ONECUT3: variants seen among roughly 807,000 people sequenced by gnomAD.
ONECUT3 encodes one cut domain family member 3.
A neutral mutation model predicts 16.8 loss-of-function variants in ONECUT3; 11 were observed. The ratio of observed to expected loss-of-function variants is 0.66; its 90% CI spans 0.41 to 1.09. The LOEUF is 1.09. ONECUT3 is among the 50% of genes least tolerant of loss of function. The pLI is 0.00. For missense variants in ONECUT3, 637 were observed against 629.9 expected (o/e 1.01, Z -0.12); for synonymous variants, 344 against 310.7 (o/e 1.11, Z -1.13).
rs2068115423 is a variant in ONECUT3 at position 1,777,031 on chromosome 19, AG to A, written c.*1587del. 1 of 150,302 alleles carries A rather than the reference AG, an allele frequency of 6.7e-6. No homozygotes were observed. Among genetic ancestry groups the A allele is most frequent in the Non-Finnish European group, 1.5e-5 (1 of 67,672 alleles). 9.3% of individuals were successfully genotyped at this position (150,302 alleles called of 1,614,324 possible). A position where few individuals can be genotyped will look rare whatever the true frequency, so the allele number is the denominator to read the frequency against. On this transcript the variant is annotated 3_prime_UTR_variant, in exon 2 of 2. Transcript: ENST00000382349. ...CCGAACCTGAGAGCGAAAGAGAGAGAGAGAGAGAGGGAGAGAGAGGGAGAGA... is the reference window on the plus strand; with the variant it reads ...CCGAACCTGAGAGCGAAAGAGAGAGAAGAGAGAGGGAGAGAGAGGGAGAGA...
chr19:1,755,340 G>A lies in ONECUT3; in HGVS notation c.1192+486G>A, dbSNP rs994072129. Among the ~76,000 whole-genome samples, 1 of 152,122 alleles carries A rather than the reference G, an allele frequency of 6.6e-6. No homozygotes were observed. Among genetic ancestry groups the A allele is most frequent in the African/African-American group, 2.4e-5 (1 of 41,426 alleles). ...GCCCCGGGCCACAGAGCTCCGAGAC[G>A]TTGCGGCGGGCGCCTGCAGCTCAGC... is the stretch of plus-strand genomic sequence containing the variant. On this transcript the variant is annotated intron_variant, in intron 1 of 1. Coordinates refer to ENST00000382349, the MANE Select transcript of ONECUT3 (RefSeq NM_001080488.2). This position sits in a 1 kb window ranked among gnomAD's most constrained non-coding sequence, Gnocchi z 7.5.
intron 1 of ONECUT3, among the ~76,000 whole-genome samples, chr19:1,756,361 C>T (rs567541164): frequency 6.6e-6 from 1 of 152,300 alleles, no homozygotes; most frequent in Admixed American, 6.5e-5. Context: ...TAACCTTGTG[C>T]TCAGGGAGGT....
chr19:1,755,244 G>A lies in ONECUT3; in HGVS notation c.1192+390G>A, dbSNP rs2067910630. Among the ~76,000 whole-genome samples the A allele has an allele frequency of 6.6e-6, 1 of 151,798 alleles. No individual in the cohort carries two copies. The highest frequency in any genetic ancestry group is 2.4e-5 in the African/African-American group (1 of 41,300). On this transcript the variant is annotated intron_variant, in intron 1 of 1. Coordinates refer to ENST00000382349, the MANE Select transcript of ONECUT3 (RefSeq NM_001080488.2). This position sits in a 1 kb window ranked among gnomAD's most constrained non-coding sequence, Gnocchi z 7.5. The stretch of plus-strand genomic sequence containing the variant: ...GTTGGGGGGAGCTGTGTCCCCGAAC[G>A]AGCTGCTGTTGTCGGCTAAGGTGCC...
At chr19:1,757,132 TGG>T (rs11381332) in intron 1 of ONECUT3, among the ~76,000 whole-genome samples, 2 of 97,682 alleles carry the variant, frequency 2.0e-5, no homozygotes, top group African/African-American at 8.1e-5. Context: ...AGAAGTCCCA[TGG>T]GGGGGGGGTG....
intron 1 of ONECUT3, among the ~76,000 whole-genome samples, chr19:1,772,333 T>G (rs1397888417): frequency 6.6e-6 from 1 of 151,854 alleles, no homozygotes; most frequent in Non-Finnish European, 1.5e-5. Context: ...TATTTAAAAA[T>G]TATTTATTTT....
At chr19:1,760,422 C>CG (rs1017722807) in intron 1 of ONECUT3, among the ~76,000 whole-genome samples, 8 of 84,316 alleles carry the variant, frequency 9.5e-5, no homozygotes, top group African/African-American at 3.2e-4. Flanking sequence ...AAGGGACCGG[C>CG]GGGGGGGCGG....
intron 1 of ONECUT3, among the ~76,000 whole-genome samples, chr19:1,773,407 G>A (rs774568325): frequency 1.3e-5 from 2 of 152,218 alleles, no homozygotes; most frequent in Non-Finnish European, 2.9e-5. Flanking sequence ...CAGAGGGAGT[G>A]AAGTGTGCGT....
chr19:1,775,369 T>G lies in ONECUT3; in HGVS notation c.1409T>G (p.Met470Arg). The part of the protein sequence containing the change: ...NFFMNARRRC[M>R]NRWAEEPSTA... ...TTCATGAACGCGCGGCGCCGCTGCATGAACCGCTGGGCTGAGGAGCCCAGC... is the reference window on the plus strand; with the variant it reads ...TTCATGAACGCGCGGCGCCGCTGCAGGAACCGCTGGGCTGAGGAGCCCAGC... The change falls in exon 2 of 2, where the codon ATG (methionine) becomes AGG (arginine). Residue 470 changes from methionine to arginine, a missense_variant. By Grantham distance (91) the Met-to-Arg change is moderately conservative. Transcript: ENST00000382349. 1 of 1,530,908 alleles carries G rather than the reference T, an allele frequency of 6.5e-7. No individual in the cohort carries two copies. 94.8% of individuals were successfully genotyped at this position (1,530,908 alleles called of 1,614,324 possible).
At chr19:1,767,880 C>G (rs540857166) in intron 1 of ONECUT3, among the ~76,000 whole-genome samples, 64 of 152,138 alleles carry the variant, frequency 4.2e-4, no homozygotes, top group African/African-American at 1.5e-3. Context: ...TCCGTCTCTT[C>G]TAGTTGATCT....
In ONECUT3 at chr19:1,753,528, A is replaced by AGCCGG. The variant is rs1481008093; in HGVS notation, c.-125_-121dup. The AGCCGG allele has an allele frequency of 8.0e-6, 2 of 249,386 alleles. No individual in the cohort carries two copies. The highest frequency in any genetic ancestry group is 2.3e-5 in the African/African-American group (1 of 42,836). 15.4% of individuals were successfully genotyped at this position (249,386 alleles called of 1,614,324 possible). A position where few individuals can be genotyped will look rare whatever the true frequency, so the allele number is the denominator to read the frequency against. Reference sequence around the variant, plus strand: ...GCCACATCCTGGTGGCCGCGCTCGCAGCCGGGCCGGGCCGTGCGCCGCGCA... The same window carrying AGCCGG: ...GCCACATCCTGGTGGCCGCGCTCGCAGCCGGGCCGGGCCGGGCCGTGCGCCGCGCA... On this transcript the variant is annotated 5_prime_UTR_variant, in exon 1 of 2. Coordinates refer to ENST00000382349, the MANE Select transcript of ONECUT3 (RefSeq NM_001080488.2).
rs1300579034 is a variant in ONECUT3 at position 1,753,795 on chromosome 19, G to A, written c.133G>A (p.Gly45Ser). The A allele has an allele frequency of 1.2e-5, 12 of 969,798 alleles. No individual in the cohort carries two copies. Among genetic ancestry groups the A allele is most frequent in the Middle Eastern group, 5.2e-4 (1 of 1,922 alleles). 60.1% of individuals were successfully genotyped at this position (969,798 alleles called of 1,614,324 possible). A position where few individuals can be genotyped will look rare whatever the true frequency, so the allele number is the denominator to read the frequency against. Residue 45 changes from glycine (G) to serine (S), a missense_variant, in exon 1 of 2, where the codon GGC becomes AGC. Transcript: ENST00000382349. The part of the protein sequence containing the change: ...HRGLVAPGRP[G>S]LVAGMASLLD... The stretch of plus-strand genomic sequence containing the variant: ...CGGCCTGGTGGCGCCCGGGCGCCCG[G>A]GCCTGGTGGCCGGCATGGCGAGCCT...
In ONECUT3 at chr19:1,755,119, C is replaced by G. The variant is rs1330821844; in HGVS notation, c.1192+265C>G. Among the ~76,000 whole-genome samples the G allele has an allele frequency of 6.6e-6, 1 of 152,192 alleles. No individual in the cohort carries two copies. The highest frequency in any genetic ancestry group is 1.5e-5 in the Non-Finnish European group (1 of 68,044). ...CCTTTCGGGAGCGCGTAGGGGTTCT[C>G]TAGTCCTTGTTAGACTGCTGGGAGG... On this transcript the variant is annotated intron_variant, in intron 1 of 1. Coordinates refer to ENST00000382349, the MANE Select transcript of ONECUT3 (RefSeq NM_001080488.2). The surrounding 1 kb of genome is among the most constrained non-coding windows in gnomAD (Gnocchi z 7.5).
intron 1 of ONECUT3, among the ~76,000 whole-genome samples, chr19:1,772,911 G>A (rs2068069646): frequency 7.0e-6 from 1 of 141,880 alleles, no homozygotes; most frequent in Admixed American, 7.2e-5. Flanking sequence ...CACCGTGTTA[G>A]CCAGGATGGT....
rs1376632017 is a variant in ONECUT3 at position 1,758,424 on chromosome 19, G to T, written c.1192+3570G>T. Among the ~76,000 whole-genome samples the T allele has an allele frequency of 6.6e-6, 1 of 152,114 alleles. No homozygotes were observed. Among genetic ancestry groups the T allele is most frequent in the Non-Finnish European group, 1.5e-5 (1 of 68,032 alleles). The stretch of plus-strand genomic sequence containing the variant: ...CAGCCCCCTCCTTCTTCCCCATGGG[G>T]TAGGACTTGGGAGAGGGGAATAGGT... On this transcript the variant is annotated intron_variant, in intron 1 of 1. Transcript: ENST00000382349. This position sits in a 1 kb window ranked among gnomAD's most constrained non-coding sequence, Gnocchi z 5.9.
intron 1 of ONECUT3, among the ~76,000 whole-genome samples, chr19:1,756,975 C>T (rs1383226353): frequency 6.6e-6 from 1 of 152,170 alleles, no homozygotes; most frequent in African/African-American, 2.4e-5. Context: ...TTGTGTCCAC[C>T]GTGGGTGCAC....
intron 1 of ONECUT3, among the ~76,000 whole-genome samples, chr19:1,756,819 A>T (rs909822084): frequency 6.8e-6 from 1 of 147,212 alleles, no homozygotes; most frequent in African/African-American, 2.5e-5. Context: ...AAGTGCTGGG[A>T]TTACACAGGC....
At position 1,777,641 on chromosome 19, in the gene ONECUT3, G is replaced by C. The variant is rs537118642; in HGVS notation, c.*2196G>C. On this transcript the variant is annotated 3_prime_UTR_variant, in exon 2 of 2. Coordinates refer to ENST00000382349, the MANE Select transcript of ONECUT3 (RefSeq NM_001080488.2). ...GAGCTGTCCTGTCCACTCCAGGCCGGACTGACGTAGCCTATGGGCCCAGCA... is the reference window on the plus strand; with the variant it reads ...GAGCTGTCCTGTCCACTCCAGGCCGCACTGACGTAGCCTATGGGCCCAGCA... 6.6e-6 allele frequency: 1 copy of C among 152,300 alleles called. No homozygotes were observed. Among genetic ancestry groups the C allele is most frequent in the South Asian group, 2.1e-4 (1 of 4,826 alleles). 9.4% of individuals were successfully genotyped at this position (152,300 alleles called of 1,614,324 possible). A position where few individuals can be genotyped will look rare whatever the true frequency, so the allele number is the denominator to read the frequency against.
Position 1,754,875 on chromosome 19 carries a change from G to A in ONECUT3, c.1192+21G>A. On this transcript the variant is annotated intron_variant, in intron 1 of 1. Transcript: ENST00000382349. This position sits in a 1 kb window ranked among gnomAD's most constrained non-coding sequence, Gnocchi z 7.4. ...GGCAGGTAGGAGCGTGGCGCGCAGG[G>A]CCAGACCCTGGGGGCGCCGGCTCTG... is the stretch of plus-strand genomic sequence containing the variant. 4 of 1,399,738 alleles carry A rather than the reference G, an allele frequency of 2.9e-6. No homozygotes were observed. The highest frequency in any genetic ancestry group is 3.8e-6 in the Non-Finnish European group (4 of 1,065,274). The allele number at this position is 1,399,738 out of a possible 1,614,324, so 86.7% of individuals were successfully genotyped here.
intron 1 of ONECUT3, among the ~76,000 whole-genome samples, chr19:1,774,004 A>T (rs2068081668): frequency 6.6e-6 from 1 of 152,242 alleles, no homozygotes; most frequent in South Asian, 2.1e-4. Context: ...CCTCTCCGTG[A>T]TCTGTGCGGG....
Sources: allele counts gnomAD v4.1 joint callset (sites outside exome capture counted in the v4.1 genomes callset), GRCh38; gene constraint gnomAD v4.1.1; non-coding constraint Gnocchi (gnomAD v3.1); transcripts MANE v1.5; gene names NCBI Gene and HGNC (gene_info 2026-07-23, HGNC 2026-07-21).